The following ABCC9 variants were observed in gnomAD, a reference collection of about 807,000 sequenced individuals.
ABCC9 encodes ATP binding cassette subfamily C member 9.
Under a neutral mutation model 188.3 loss-of-function variants are expected in ABCC9, and 95 were observed. That is an observed-to-expected ratio of 0.50 (90% CI 0.43 to 0.60). The LOEUF (loss-of-function observed/expected upper bound fraction) is 0.60, where lower values mean the gene tolerates loss of function less well. ABCC9 is among the 20% of genes least tolerant of loss of function. The pLI, the probability that ABCC9 is intolerant of heterozygous loss-of-function variation, is 0.00. For missense variants in ABCC9, 1,102 were observed against 1,876.3 expected (o/e 0.59, Z 7.62); for synonymous variants, 659 against 652.7 (o/e 1.01, Z -0.15).
chr12:21,931,195 C>T (rs527762719), intron 4 of ABCC9, among the ~76,000 whole-genome samples: 4 of 152,172 alleles, frequency 2.6e-5, no homozygotes, highest in South Asian at 2.1e-4. Context: ...ACAATTCCCT[C>T]ATGCTGTTCT....
intron 11 of ABCC9, among the ~76,000 whole-genome samples, chr12:21,907,804 G>A (rs1948114755): frequency 6.6e-6 from 1 of 152,028 alleles, no homozygotes; most frequent in Admixed American, 6.6e-5. Flanking sequence ...AGTGATCTAA[G>A]AAGACTGAAA....
chr12:21,856,913 G>A lies in ABCC9; in HGVS notation c.2505+2673C>T, dbSNP rs560257616. Among the ~76,000 whole-genome samples the A allele has an allele frequency of 6.6e-5, 10 of 152,292 alleles. No individual in the cohort carries two copies. The East Asian group carries it at 1.7e-3, about 26-fold the overall frequency. On this transcript the variant is annotated intron_variant, in intron 22 of 39. Coordinates refer to ENST00000261200, the MANE Select transcript of ABCC9 (RefSeq NM_020297.4). ...GGCATGCATTTCTAGCACAAACTCTGTCATTCACTAGACATCAGTCCTTGG... is the reference window on the plus strand; with the variant it reads ...GGCATGCATTTCTAGCACAAACTCTATCATTCACTAGACATCAGTCCTTGG...
At chr12:21,867,586 G>A (rs559377402) in intron 18 of ABCC9, among the ~76,000 whole-genome samples, 1 of 152,198 alleles carries the variant, frequency 6.6e-6, no homozygotes, top group South Asian at 2.1e-4. Flanking sequence ...TTGGAAGAAG[G>A]GAAACTAGAT....
chr12:21,829,485 G>A (rs982539524), intron 30 of ABCC9, among the ~76,000 whole-genome samples: 2 of 152,142 alleles, frequency 1.3e-5, no homozygotes, highest in Non-Finnish European at 2.9e-5. Context: ...ACAGGCGTGT[G>A]CCACCGCACC....
chr12:21,815,699 G>C, intron 34 of ABCC9, 64 bp downstream of exon 34: 3 of 1,593,896 alleles, frequency 1.9e-6, no homozygotes, highest in Non-Finnish European at 2.6e-6. Flanking sequence ...AGCTTAGGTA[G>C]TAAAAAAGCA....
intron 28 of ABCC9, among the ~76,000 whole-genome samples, chr12:21,844,261 C>T (rs932414885): frequency 2.0e-5 from 3 of 152,092 alleles, no homozygotes; most frequent in African/African-American, 7.2e-5. Flanking sequence ...TGATGGTTCT[C>T]CAAGTATCTT....
At chr12:21,820,542 C>CTA (rs971343760) in intron 31 of ABCC9, among the ~76,000 whole-genome samples, 2 of 151,744 alleles carry the variant, frequency 1.3e-5, no homozygotes, top group East Asian at 1.9e-4. Flanking sequence ...AGGCTCTCAT[C>CTA]TATATATATA....
At chr12:21,876,971 G>C (rs1469361247) in intron 16 of ABCC9, among the ~76,000 whole-genome samples, 1 of 152,142 alleles carries the variant, frequency 6.6e-6, no homozygotes, top group Non-Finnish European at 1.5e-5. Context: ...GATATATATG[G>C]CACAACATTT....
chr12:21,859,604 G>A lies in ABCC9; in HGVS notation c.2487C>T (p.Asn829=), dbSNP rs756699664. 2 of 1,613,870 alleles carry A rather than the reference G, an allele frequency of 1.2e-6. No individual in the cohort carries two copies. Among genetic ancestry groups the A allele is most frequent in the Middle Eastern group, 1.7e-4 (1 of 6,060 alleles). ...RICVARALYQ[N]TNIVFLDDPF... is the part of the protein sequence containing the mutation. ...TTCTTACCAAAAAGACAATGTTGGT[G>A]TTTTGATACAGCGCTCGTGCCACAC... Residue 829 remains asparagine (N), a synonymous_variant, in exon 22 of 40, where the codon AAC becomes AAT. Coordinates refer to ENST00000261200, the MANE Select transcript of ABCC9 (RefSeq NM_020297.4).
At chr12:21,841,480 T>C (rs1357660821) in intron 29 of ABCC9, among the ~76,000 whole-genome samples, 11 of 149,814 alleles carry the variant, frequency 7.3e-5, no homozygotes, top group Non-Finnish European at 1.6e-4. Flanking sequence ...TGCCTCAGCC[T>C]CCTGAGTAGC....
Position 21,912,316 on chromosome 12 carries a change from T to C in ABCC9, c.1011+556A>G, listed in dbSNP as rs552635396. 2.6e-5 allele frequency among the ~76,000 whole-genome samples: 4 copies of C among 152,162 alleles called. No homozygotes were observed. The East Asian group carries it at 7.7e-4, about 29-fold the overall frequency. On this transcript the variant is annotated intron_variant, in intron 8 of 39. Transcript: ENST00000261200. The stretch of plus-strand genomic sequence containing the variant: ...TATTAAAAGTAGAAAATAAAAATTA[T>C]ATATTTATGATCATAAACACGCAGT...
chr12:21,813,174 T>C (rs897958938), intron 35 of ABCC9, among the ~76,000 whole-genome samples: 38 of 152,208 alleles, frequency 2.5e-4, no homozygotes, highest in African/African-American at 8.9e-4. Context: ...AATAATACAA[T>C]GCATTACAAA....
chr12:21,813,428 G>A (rs7956490), intron 35 of ABCC9, among the ~76,000 whole-genome samples: 3,771 of 152,128 alleles, frequency 0.025, 151 homozygotes, highest in African/African-American at 0.086. Flanking sequence ...CTTAACCTAT[G>A]TCTTTCAGGA....
At chr12:21,938,115 T>C (rs974516112) in intron 2 of ABCC9, 6 of 152,106 alleles carry the variant, frequency 3.9e-5, no homozygotes, top group African/African-American at 1.4e-4. Flanking sequence ...AGATTGTCAA[T>C]GGTAGGTAAA....
intron 12 of ABCC9, among the ~76,000 whole-genome samples, chr12:21,904,374 A>G (rs1229843294): frequency 6.6e-6 from 1 of 152,224 alleles, no homozygotes; most frequent in Non-Finnish European, 1.5e-5. Context: ...ATGGGCAAGG[A>G]CTTCATGACT....
chr12:21,801,739 C>T (rs191348022), intron 39 of ABCC9, among the ~76,000 whole-genome samples: 17 of 152,252 alleles, frequency 1.1e-4, no homozygotes, highest in South Asian at 2.1e-4. Flanking sequence ...CTTCTTTCCA[C>T]GCGATGCCCT....
At chr12:21,938,926 C>A (rs1188987366) in intron 2 of ABCC9, among the ~76,000 whole-genome samples, 1 of 152,166 alleles carries the variant, frequency 6.6e-6, no homozygotes, top group African/African-American at 2.4e-5. Flanking sequence ...ATCTGGAATT[C>A]TATGCCATTA....
intron 2 of ABCC9, among the ~76,000 whole-genome samples, chr12:21,940,465 A>G (rs934315534): frequency 1.3e-5 from 2 of 152,224 alleles, no homozygotes; most frequent in African/African-American, 4.8e-5. Flanking sequence ...GAAGATGTAT[A>G]GCTAGTTAGC....
At chr12:21,845,451 C>A in intron 26 of ABCC9, 152 bp downstream of exon 26, 2 of 627,348 alleles carry the variant, frequency 3.2e-6, no homozygotes, top group Non-Finnish European at 5.5e-6. Context: ...ATAGTTTATT[C>A]TATTTCAGGT....
Sources: allele counts gnomAD v4.1 joint callset (sites outside exome capture counted in the v4.1 genomes callset), GRCh38; gene constraint gnomAD v4.1.1; transcripts MANE v1.5; gene names NCBI Gene and HGNC (gene_info 2026-07-23, HGNC 2026-07-21).